Variants in NCKAP5 observed in about 807,000 individuals in gnomAD.
NCKAP5 encodes the protein NCK associated protein 5.
In NCKAP5, 92 loss-of-function variants were observed where a neutral mutation model predicts 167.0. The observed-to-expected ratio is 0.55, with a 90% CI of 0.47 to 0.66. The LOEUF (loss-of-function observed/expected upper bound fraction) is 0.66. NCKAP5 is among the 30% of genes least tolerant of loss of function. The pLI is 0.00. For synonymous variants in NCKAP5, 891 were observed against 877.4 expected (o/e 1.02, Z -0.27); for missense variants, 2,378 against 2,315.0 (o/e 1.03, Z -0.56).
intron 5 of NCKAP5, among the ~76,000 whole-genome samples, chr2:133,190,637 T>C (rs1200941501): frequency 6.6e-6 from 1 of 152,172 alleles, no homozygotes; most frequent in Non-Finnish European, 1.5e-5. Context: ...CTATCTGATC[T>C]TTGACAAACC....
At chr2:133,580,567 A>C in the NCKAP5 span, among the ~76,000 whole-genome samples, 1 of 152,190 alleles carries the variant, frequency 6.6e-6, no homozygotes, top group African/African-American at 2.4e-5. Flanking sequence ...TATAGTATAA[A>C]TCATGGGTGT....
rs75315908 is a variant in NCKAP5, at chr2:132,677,199, T to C, written c.5714-3894A>G. Among the ~76,000 whole-genome samples, 524 of 152,254 alleles carry C rather than the reference T, an allele frequency of 3.4e-3. 1 individual carries two copies. The highest frequency in any genetic ancestry group is 5.6e-3 in the Non-Finnish European group (381 of 68,006). ...CTATAGGTGGCAACAGTTGTACAGA[T>C]GACTTTTTGGTGGATTTTTTTTTCA... On this transcript the variant is annotated intron_variant, in intron 19 of 19. Transcript: ENST00000409261.
chr2:132,922,866 G>A (rs1349575335), intron 8 of NCKAP5, among the ~76,000 whole-genome samples: 26 of 152,122 alleles, frequency 1.7e-4, no homozygotes, highest in Admixed American at 1.6e-3. Context: ...TTCTGGTCAT[G>A]GACCTTTATG....
intron 6 of NCKAP5, among the ~76,000 whole-genome samples, chr2:133,062,646 T>C (rs2080045982): frequency 6.6e-6 from 1 of 152,178 alleles, no homozygotes; most frequent in African/African-American, 2.4e-5. Context: ...TGTGATCTGG[T>C]AGATGGCCTG....
chr2:133,506,931 C>A (rs1683062128), intron 3 of NCKAP5, among the ~76,000 whole-genome samples: 1 of 152,198 alleles, frequency 6.6e-6, no homozygotes. Context: ...CTACTTTAGA[C>A]CAGGCTCTCT....
chr2:133,191,663 C>T (rs1249344720), intron 5 of NCKAP5, among the ~76,000 whole-genome samples: 1 of 152,086 alleles, frequency 6.6e-6, no homozygotes, highest in Non-Finnish European at 1.5e-5. Flanking sequence ...CAAACTATTG[C>T]AAGGACAGAA....
chr2:133,280,872 C>T (rs2089911978), intron 4 of NCKAP5, among the ~76,000 whole-genome samples: 1 of 152,038 alleles, frequency 6.6e-6, no homozygotes, highest in South Asian at 2.1e-4. Context: ...CTCAGAAAAC[C>T]AAAAATATTT....
chr2:133,036,053 G>C (rs1307926028), intron 6 of NCKAP5, among the ~76,000 whole-genome samples: 1 of 151,812 alleles, frequency 6.6e-6, no homozygotes, highest in Non-Finnish European at 1.5e-5. Context: ...GCAACTATAT[G>C]TCAATAAATT....
At chr2:133,308,877 A>G (rs1681019349) in intron 3 of NCKAP5, among the ~76,000 whole-genome samples, 1 of 148,638 alleles carries the variant, frequency 6.7e-6, no homozygotes, top group South Asian at 2.2e-4. Context: ...CGCCCGGCTA[A>G]TTTTTTGTAT....
chr2:133,585,627 A>G, the NCKAP5 span, among the ~76,000 whole-genome samples: 1 of 152,260 alleles, frequency 6.6e-6, no homozygotes, highest in Non-Finnish European at 1.5e-5. Context: ...TTAATGATAT[A>G]AAATTACAAT....
the NCKAP5 span, among the ~76,000 whole-genome samples, chr2:133,597,424 C>T: frequency 3.9e-5 from 6 of 152,156 alleles, no homozygotes; most frequent in Non-Finnish European, 2.9e-5. Flanking sequence ...AATCCCAGCA[C>T]TTTGGCAGGC....
chr2:132,756,847 T>C (rs903856832), intron 16 of NCKAP5, among the ~76,000 whole-genome samples: 1 of 152,166 alleles, frequency 6.6e-6, no homozygotes, highest in African/African-American at 2.4e-5. Context: ...AACTCAGGCC[T>C]GAGTTTTCAA....
intron 4 of NCKAP5, among the ~76,000 whole-genome samples, chr2:133,289,701 A>G (rs1679424489): frequency 6.9e-6 from 1 of 145,970 alleles, no homozygotes; most frequent in Non-Finnish European, 1.5e-5. Context: ...CAAAAAAAAT[A>G]AAAACAAACA....
intron 6 of NCKAP5, among the ~76,000 whole-genome samples, chr2:133,028,897 C>T (rs1302990854): frequency 6.6e-6 from 1 of 152,070 alleles, no homozygotes; most frequent in African/African-American, 2.4e-5. Flanking sequence ...AGATCTGGTC[C>T]TTTAAAAGTG....
intron 8 of NCKAP5, among the ~76,000 whole-genome samples, chr2:132,944,931 G>T (rs1386783944): frequency 6.6e-6 from 1 of 152,166 alleles, no homozygotes; most frequent in East Asian, 1.9e-4. Context: ...GCAGAGATGG[G>T]TTCAGGAGTT....
chr2:132,894,801 C>G (rs892159952), intron 8 of NCKAP5, among the ~76,000 whole-genome samples: 16 of 152,174 alleles, frequency 1.1e-4, no homozygotes, highest in African/African-American at 3.6e-4. Flanking sequence ...CTCCGCCCTG[C>G]TCCCCAATTT....
At chr2:133,057,846 C>A (rs2149505037) in intron 6 of NCKAP5, among the ~76,000 whole-genome samples, 1 of 152,344 alleles carries the variant, frequency 6.6e-6, no homozygotes, top group East Asian at 1.9e-4. Context: ...ATAGAAGATG[C>A]CAGCCAGGAC....
chr2:132,720,498 C>T (rs2105384318), intron 19 of NCKAP5, among the ~76,000 whole-genome samples: 1 of 152,300 alleles, frequency 6.6e-6, no homozygotes, highest in East Asian at 1.9e-4. Context: ...AAGTGGGCCC[C>T]CAAAACCAGG....
intron 5 of NCKAP5, among the ~76,000 whole-genome samples, chr2:133,184,051 T>A (rs1472496890): frequency 6.6e-6 from 1 of 152,104 alleles, no homozygotes; most frequent in East Asian, 1.9e-4. Flanking sequence ...TTTTCAGGTA[T>A]GAATAATCCT....
Sources: allele counts gnomAD v4.1 joint callset (sites outside exome capture counted in the v4.1 genomes callset), GRCh38; gene constraint gnomAD v4.1.1; transcripts MANE v1.5; gene names NCBI Gene and HGNC (gene_info 2026-07-23, HGNC 2026-07-21).